The following TRPM7 variants were observed in gnomAD, a reference collection of about 807,000 sequenced individuals.
TRPM7 encodes LTRPC ion channel family member 7.
In TRPM7, 134 loss-of-function variants were observed where a neutral mutation model predicts 229.7. The ratio of observed to expected loss-of-function variants is 0.58; its 90% CI spans 0.51 to 0.67. The LOEUF is 0.67. Ranked by LOEUF, TRPM7 falls within the 30% of genes least tolerant of loss-of-function variation. TRPM7 has a pLI of 0.00. For missense variants in TRPM7, 1,901 were observed against 2,210.0 expected (o/e 0.86, Z 2.80); for synonymous variants, 699 against 715.2 (o/e 0.98, Z 0.36).
chr15:50,653,161 G>A (rs1016649089), intron 3 of TRPM7, among the ~76,000 whole-genome samples: 5 of 151,966 alleles, frequency 3.3e-5, no homozygotes, highest in African/African-American at 1.2e-4. Flanking sequence ...CCCCCAAAAA[G>A]AAAAAAGAAA....
At position 50,612,551 on chromosome 15, in the gene TRPM7, G is replaced by A; in HGVS notation, c.2049C>T (p.Ser683=). The change falls in exon 16 of 39, where the codon TCC becomes TCT. Residue 683 remains serine (S), a splice_region_variant and synonymous_variant. Transcript: ENST00000646667. Reference sequence around the variant, plus strand: ...TCAAATGATAAAATACCACTTACTTGGAATACTGTTTTAGTTCTTCTGAAG... The same window carrying A: ...TCAAATGATAAAATACCACTTACTTAGAATACTGTTTTAGTTCTTCTGAAG... ...DDTSEELKQY[S]NDFGQLAVEL... 1.2e-6 allele frequency: 2 copies of A among 1,603,072 alleles called. No homozygotes were observed. The highest frequency in any genetic ancestry group is 2.2e-5 in the East Asian group (1 of 44,642).
At chr15:50,601,310 A>T (rs1344978321) in intron 21 of TRPM7, among the ~76,000 whole-genome samples, 3 of 152,244 alleles carry the variant, frequency 2.0e-5, no homozygotes, top group Admixed American at 6.5e-5. Context: ...TTAATTAAAA[A>T]TATGTGAGTA....
rs760471245 is a variant in TRPM7, at chr15:50,631,453, C to T, written c.1168G>A (p.Asp390Asn). Residue 390 changes from aspartate to asparagine, a missense_variant, in exon 10 of 39, where the codon GAT (aspartate) becomes AAT (asparagine). By Grantham distance (23) the Asp-to-Asn change is conservative (BLOSUM62 1). This residue lies in a region of TRPM7 where 794 missense variants were observed against 881.9 expected (regional missense o/e 0.90). Coordinates refer to ENST00000646667, the MANE Select transcript of TRPM7 (RefSeq NM_017672.6). The stretch of plus-strand genomic sequence containing the variant: ...GCAGTAAGTATTGCTACATCTATAT[C>T]TTGATGTTCATCTGACCCAATATGG... ...VFHIGSDEHQ[D>N]IDVAILTALL... 1 of 1,610,502 alleles carries T rather than the reference C, an allele frequency of 6.2e-7. No individual in the cohort carries two copies. Among genetic ancestry groups the T allele is most frequent in the Non-Finnish European group, 8.5e-7 (1 of 1,177,500 alleles).
chr15:50,638,367 A>G (rs1396289475), intron 6 of TRPM7, among the ~76,000 whole-genome samples: 1 of 42,694 alleles, frequency 2.3e-5, no homozygotes, highest in Non-Finnish European at 4.7e-5. Context: ...TCAAAAAAAA[A>G]AAAAAAAAAA....
intron 24 of TRPM7, 92 bp from the exon 25 acceptor site, chr15:50,593,841 G>A: frequency 7.9e-7 from 1 of 1,264,988 alleles, no homozygotes; most frequent in Non-Finnish European, 1.1e-6. Context: ...GGGTTTCTAA[G>A]ACTACATCCA....
rs1478892831 is a variant in TRPM7 at position 50,586,486 on chromosome 15, A to C, written c.4392T>G (p.Asn1464Lys). ...TCAAAGTGTTTTCAGAAGTATTGTT[A>C]TTCTGCAAATATTGTGCAGACATAT... ...ETSNKIKILS[N>K]NNTSENTLKR... Residue 1464 changes from asparagine to lysine, a missense_variant and splice_region_variant, in exon 28 of 39, where the codon AAT becomes AAG. Physicochemically the swap from Asn to Lys is moderately conservative, Grantham distance 94. Transcript: ENST00000646667. 1 of 1,596,864 alleles carries C rather than the reference A, an allele frequency of 6.3e-7. No individual in the cohort carries two copies. Among genetic ancestry groups the C allele is most frequent in the African/African-American group, 1.3e-5 (1 of 74,646 alleles).
At chr15:50,593,773 A>G (rs1373739996) in intron 24 of TRPM7, 24 bp from the exon 25 acceptor site, 1 of 1,590,834 alleles carries the variant, frequency 6.3e-7, no homozygotes, top group East Asian at 2.2e-5. Context: ...AGGAGAAGAA[A>G]ATCAAGGAAG....
chr15:50,684,178 A>T (rs1209408428), intron 1 of TRPM7, among the ~76,000 whole-genome samples: 1 of 146,846 alleles, frequency 6.8e-6, no homozygotes, highest in African/African-American at 2.5e-5. Flanking sequence ...TCTGAGACAG[A>T]GTCTCACTCT....
Position 50,580,924 on chromosome 15 carries a change from A to AAC in TRPM7, c.4558-18_4558-17dup, listed in dbSNP as rs147578012. The AAC allele has an allele frequency of 0.043, 67,990 of 1,569,682 alleles. 1,510 individuals are homozygous for AAC. The highest frequency in any genetic ancestry group is 0.13 in the African/African-American group (9,610 of 72,248). On this transcript the variant is annotated splice_polypyrimidine_tract_variant and intron_variant, in intron 29 of 38. Transcript: ENST00000646667. ...GTAACCAATCCTTCAGTAAAAAAAA[A>AAC]ACACACACACACAAAAACCTTAAAG... is the stretch of plus-strand genomic sequence containing the variant.
intron 1 of TRPM7, among the ~76,000 whole-genome samples, chr15:50,677,871 C>A (rs1252368725): frequency 6.7e-6 from 1 of 150,238 alleles, no homozygotes; most frequent in East Asian, 1.9e-4. Context: ...TTCAAAAGAA[C>A]GGTAATCAAA....
chr15:50,648,884 A>C lies in TRPM7; in HGVS notation c.124T>G (p.Cys42Gly). The change falls in exon 4 of 39, where the codon TGT (cysteine) becomes GGT (glycine). Residue 42 changes from cysteine (C) to glycine (G), a missense_variant and splice_region_variant. By Grantham distance (159) the Cys-to-Gly change is radical. Transcript: ENST00000646667. Reference sequence around the variant, plus strand: ...TGCTTGACCAAGCGACCACAAAAACACCTAAAAGAAAAAGGTGAGATTAAA... The same window carrying C: ...TGCTTGACCAAGCGACCACAAAAACCCCTAAAAGAAAAAGGTGAGATTAAA... ...GCQICQQLVR[C>G]FCGRLVKQHA... The C allele has an allele frequency of 6.2e-7, 1 of 1,600,962 alleles. No individual in the cohort carries two copies. The highest frequency in any genetic ancestry group is 8.5e-7 in the Non-Finnish European group (1 of 1,173,200).
At chr15:50,590,922 T>C (rs2059474174) in intron 26 of TRPM7, among the ~76,000 whole-genome samples, 1 of 152,134 alleles carries the variant, frequency 6.6e-6, no homozygotes, top group Admixed American at 6.5e-5. Flanking sequence ...AATATCAACA[T>C]GTTTAGTGCC....
At chr15:50,614,321 C>G in intron 13 of TRPM7, 58 bp from the exon 14 acceptor site, 3 of 1,455,866 alleles carry the variant, frequency 2.1e-6, no homozygotes, top group Non-Finnish European at 2.8e-6. Context: ...TATTGCCATG[C>G]CCTGCCTAGG....
At chr15:50,660,161 T>A (rs554984961) in intron 2 of TRPM7, among the ~76,000 whole-genome samples, 1 of 152,294 alleles carries the variant, frequency 6.6e-6, no homozygotes, top group South Asian at 2.1e-4. Context: ...AACATATCTT[T>A]AACAAGTAGT....
At chr15:50,625,615 G>A (rs987923187) in intron 11 of TRPM7, among the ~76,000 whole-genome samples, 3 of 151,896 alleles carry the variant, frequency 2.0e-5, no homozygotes, top group Non-Finnish European at 4.4e-5. Context: ...AATAGGGACA[G>A]GTCTCAAACT....
At chr15:50,566,419 C>T (rs1596048812) in intron 38 of TRPM7, among the ~76,000 whole-genome samples, 1 of 151,772 alleles carries the variant, frequency 6.6e-6, no homozygotes, top group Non-Finnish European at 1.5e-5. Flanking sequence ...CATCTGAGGC[C>T]GGGCGCAGTG....
intron 29 of TRPM7, among the ~76,000 whole-genome samples, chr15:50,581,363 G>A (rs1001594723): frequency 6.6e-6 from 1 of 152,036 alleles, no homozygotes; most frequent in Non-Finnish European, 1.5e-5. Context: ...GCTGGGCGTG[G>A]TGGCGGGCGC....
chr15:50,661,809 T>G (rs1244156162), intron 2 of TRPM7, among the ~76,000 whole-genome samples: 2 of 152,116 alleles, frequency 1.3e-5, no homozygotes, highest in African/African-American at 4.8e-5. Context: ...TGCAAATACT[T>G]TTGTCAATTA....
chr15:50,651,790 T>C (rs2140858884), intron 3 of TRPM7, among the ~76,000 whole-genome samples: 1 of 152,108 alleles, frequency 6.6e-6, no homozygotes, highest in Admixed American at 6.5e-5. Context: ...CTCGGGAGGC[T>C]GAGGCAGAAT....
Sources: gnomAD v4.1 joint callset for allele counts (sites outside exome capture counted in the v4.1 genomes callset) on GRCh38, gnomAD v4.1.1 for gene constraint, gnomAD v4.1.1 regional missense constraint, MANE v1.5 for transcripts, NCBI Gene and HGNC (gene_info 2026-07-23, HGNC 2026-07-21) for gene names.